Variants in CNKSR1 observed in about 807,000 individuals in gnomAD.
CNKSR1 encodes the protein CNK homolog protein 1.
CNKSR1 carries 88 observed loss-of-function variants against 95.6 expected under a neutral mutation model. That is an observed-to-expected ratio of 0.92 (90% CI 0.78 to 1.10). CNKSR1 has a LOEUF of 1.10. Ranked by LOEUF, CNKSR1 falls within the 50% of genes least tolerant of loss-of-function variation. The pLI is 0.00. For synonymous variants in CNKSR1, 355 were observed against 369.7 expected (o/e 0.96, Z 0.46); for missense variants, 836 against 912.0 (o/e 0.92, Z 1.07).
Position 26,183,983 on chromosome 1 carries a change from C to G in CNKSR1, c.856-88C>G, listed in dbSNP as rs778523232. ...CTCCCTTCAGACCCCCCCACAGGTA[C>G]CTGCTCCTGCTGCTCCCCTACCCCT... On this transcript the variant is annotated intron_variant, in intron 9 of 20. Coordinates refer to ENST00000361530, the MANE Select transcript of CNKSR1 (RefSeq NM_006314.3). The G allele has an allele frequency of 4.0e-6, 3 of 741,170 alleles. No individual in the cohort carries two copies. In the South Asian group the frequency reaches 4.4e-5, roughly 11 times the overall value. 45.9% of individuals were successfully genotyped at this position (741,170 alleles called of 1,614,324 possible).
rs762074036 is a variant in CNKSR1 at position 26,185,070 on chromosome 1, G to C, written c.1192G>C (p.Asp398His). Residue 398 changes from aspartate (D) to histidine (H), a missense_variant, in exon 14 of 21, where the codon GAC (aspartate) becomes CAC (histidine). Transcript: ENST00000361530. ...RVSCRELGRP[D>H]CDGWLLLRKA... ...GTCATGCCGTGAGCTGGGCCGGCCG[G>C]ACTGTGACGGCTGGCTCCTGTTGCG... 6.2e-7 allele frequency: 1 copy of C among 1,605,848 alleles called. No individual in the cohort carries two copies. The highest frequency in any genetic ancestry group is 8.5e-7 in the Non-Finnish European group (1 of 1,178,432).
chr1:26,183,660 G>A, intron 8 of CNKSR1, 69 bp from the exon 9 acceptor site: 5 of 1,204,512 alleles, frequency 4.2e-6, no homozygotes, highest in Non-Finnish European at 6.2e-6. Context: ...CCAGCACGAG[G>A]GTGAGAGTTG....
chr1:26,182,121 G>A (rs1476947224), intron 4 of CNKSR1, 180 bp downstream of exon 4: 2 of 744,988 alleles, frequency 2.7e-6, no homozygotes, highest in Non-Finnish European at 4.6e-6. Context: ...TAGCTGGCAG[G>A]GGAATTTTGA....
rs2088776119 is a variant in CNKSR1, at chr1:26,187,484, T to A, written c.1454+2T>A. 1.2e-6 allele frequency: 2 copies of A among 1,614,022 alleles called. No homozygotes were observed. The highest frequency in any genetic ancestry group is 1.7e-6 in the Non-Finnish European group (2 of 1,179,920). ...TGATACCCTGACAGATCTGAGCATG[T>A]GAGTGCCGCCTCCCTTAGCCCCTAC... is the stretch of plus-strand genomic sequence containing the variant. On this transcript the variant is annotated splice_donor_variant, in intron 16 of 20. Coordinates refer to ENST00000361530, the MANE Select transcript of CNKSR1 (RefSeq NM_006314.3). LOFTEE classifies it high-confidence loss of function.
Position 26,189,713 on chromosome 1 carries a change from A to G in CNKSR1, c.*165A>G, listed in dbSNP as rs1396843152. On this transcript the variant is annotated 3_prime_UTR_variant, in exon 21 of 21. Transcript: ENST00000361530. The stretch of plus-strand genomic sequence containing the variant: ...GACCCCTCTGCCTGGGCTTTGTGCC[A>G]CCCTCTCCCTTGCCAAAGAAGAAAC... The G allele has an allele frequency of 1.4e-6, 1 of 728,686 alleles. No homozygotes were observed. The highest frequency in any genetic ancestry group is 1.9e-5 in the Admixed American group (1 of 52,096). The allele number at this position is 728,686 out of a possible 1,614,324, so 45.1% of individuals were successfully genotyped here.
chr1:26,177,602 G>T lies in CNKSR1; in HGVS notation c.52+3G>T, dbSNP rs751545608. 9.3e-6 allele frequency: 15 copies of T among 1,613,968 alleles called. No individual in the cohort carries two copies. The highest frequency in any genetic ancestry group is 2.2e-5 in the East Asian group (1 of 44,892). ...AAAGGTGGCAACTTGGCTGAGAGGT[G>T]GGTGGGGCTGGGGTAGAGTTGGGCT... On this transcript the variant is annotated splice_donor_region_variant and intron_variant, in intron 1 of 20. Coordinates refer to ENST00000361530, the MANE Select transcript of CNKSR1 (RefSeq NM_006314.3).
intron 4 of CNKSR1, 25 bp downstream of exon 4, chr1:26,181,966 G>A (rs1278464998): frequency 1.2e-6 from 2 of 1,609,128 alleles, no homozygotes; most frequent in Non-Finnish European, 1.7e-6. Context: ...GGCCAGGCTT[G>A]GCCCATGCCC....
intron 14 of CNKSR1, 57 bp from the exon 15 acceptor site, chr1:26,187,111 A>C: frequency 2.9e-6 from 4 of 1,369,472 alleles, no homozygotes; most frequent in Non-Finnish European, 4.2e-6. Flanking sequence ...CTAGGAGCTG[A>C]CTGGGCCTTG....
In CNKSR1 at chr1:26,180,271, T is replaced by A. The variant is rs537942591; in HGVS notation, c.53-182T>A. On this transcript the variant is annotated intron_variant, in intron 1 of 20. Coordinates refer to ENST00000361530, the MANE Select transcript of CNKSR1 (RefSeq NM_006314.3). Reference sequence around the variant, plus strand: ...TCTGGGGGCCACTTTTAAGAACCCATGTCCTATACTTTCCTGCTTCTCAAC... The same window carrying A: ...TCTGGGGGCCACTTTTAAGAACCCAAGTCCTATACTTTCCTGCTTCTCAAC... The A allele has an allele frequency of 5.6e-5, 40 of 708,826 alleles. No individual in the cohort carries two copies. In the East Asian group the frequency reaches 1.0e-3, roughly 18 times the overall value. 43.9% of individuals were successfully genotyped at this position (708,826 alleles called of 1,614,324 possible). A position where few individuals can be genotyped will look rare whatever the true frequency, so the allele number is the denominator to read the frequency against.
At chr1:26,185,549 C>G (rs533164713) in intron 14 of CNKSR1, among the ~76,000 whole-genome samples, 1 of 151,950 alleles carries the variant, frequency 6.6e-6, no homozygotes, top group African/African-American at 2.4e-5. Flanking sequence ...CCCGCCACAA[C>G]GCCCAGCATA....
At chr1:26,181,412 C>G (rs1338753263) in intron 3 of CNKSR1, among the ~76,000 whole-genome samples, 1 of 151,870 alleles carries the variant, frequency 6.6e-6, no homozygotes, top group Non-Finnish European at 1.5e-5. Context: ...CATCAACAAC[C>G]ACTGAATGGA....
At chr1:26,182,336 C>T (rs1007861774) in intron 4 of CNKSR1, 25 bp from the exon 5 acceptor site, 1 of 1,613,822 alleles carries the variant, frequency 6.2e-7, no homozygotes. Flanking sequence ...CAGGGGAGGC[C>T]CCTGCTCTCT....
intron 13 of CNKSR1, among the ~76,000 whole-genome samples, 179 bp from the exon 14 acceptor site, chr1:26,184,835 A>T (rs1309263970): frequency 6.6e-6 from 1 of 151,842 alleles, no homozygotes; most frequent in Non-Finnish European, 1.5e-5. Flanking sequence ...TCTAGTCTTC[A>T]GTTTGCTCAT....
Position 26,183,429 on chromosome 1 carries a change from G to A in CNKSR1, c.753+15G>A, listed in dbSNP as rs765009827. 9.3e-6 allele frequency: 15 copies of A among 1,613,652 alleles called. No individual in the cohort carries two copies. The highest frequency in any genetic ancestry group is 1.1e-5 in the South Asian group (1 of 91,058). ...AGCAGGTGGTGGTGCGTGAGGAGAG[G>A]GACATGGTAGGAGGTGAAGGGGTCA... On this transcript the variant is annotated intron_variant, in intron 8 of 20. Transcript: ENST00000361530.
intron 1 of CNKSR1, among the ~76,000 whole-genome samples, 168 bp downstream of exon 1, chr1:26,177,767 G>A (rs905074248): frequency 6.6e-6 from 1 of 152,144 alleles, no homozygotes; most frequent in Non-Finnish European, 1.5e-5. Context: ...CCTGAGGTCG[G>A]GAGTTCAAGA....
chr1:26,181,033 A>G, intron 3 of CNKSR1, 137 bp downstream of exon 3: 1 of 1,093,956 alleles, frequency 9.1e-7, no homozygotes, highest in Non-Finnish European at 1.4e-6. Context: ...TAATCCCAGC[A>G]CTTTGGGAGG....
intron 20 of CNKSR1, 76 bp from the exon 21 acceptor site, chr1:26,189,203 C>T (rs1437584554): frequency 1.9e-5 from 30 of 1,568,148 alleles, no homozygotes; most frequent in South Asian, 3.3e-5. Flanking sequence ...ACCGGACCTC[C>T]GGAGTGAAGT....
At chr1:26,183,165 GC>G in intron 6 of CNKSR1, 31 bp from the exon 7 acceptor site, 3 of 1,611,994 alleles carry the variant, frequency 1.9e-6, no homozygotes, top group Non-Finnish European at 2.5e-6. Flanking sequence ...TTGCCCCCCA[GC>G]CCCCGGTGAC....
chr1:26,188,891 A>G lies in CNKSR1; in HGVS notation c.1810A>G (p.Asn604Asp). The G allele has an allele frequency of 5.0e-6, 8 of 1,611,694 alleles. No homozygotes were observed. Among genetic ancestry groups the G allele is most frequent in the Non-Finnish European group, 6.8e-6 (8 of 1,179,042 alleles). The change falls in exon 20 of 21, where the codon AAC becomes GAC. Residue 604 changes from asparagine to aspartate, a missense_variant. Transcript: ENST00000361530. Reference protein sequence around the residue: ...EQWRSSFMRRNRDPQLNERVH... With the variant: ...EQWRSSFMRRDRDPQLNERVH... ...GTGGCGGAGCTCTTTCATGCGGCGCAACCGAGACCCTCAGCTCAATGAGCG... is the reference window on the plus strand; with the variant it reads ...GTGGCGGAGCTCTTTCATGCGGCGCGACCGAGACCCTCAGCTCAATGAGCG...
Sources: allele counts gnomAD v4.1 joint callset (sites outside exome capture counted in the v4.1 genomes callset), GRCh38; gene constraint gnomAD v4.1.1; transcripts MANE v1.5; gene names NCBI Gene and HGNC (gene_info 2026-07-23, HGNC 2026-07-21).